The following CHMP3 variants were observed in gnomAD, a reference collection of about 807,000 sequenced individuals.
CHMP3 encodes charged multivesicular body protein 3, also known as 25.1 protein.
CHMP3 carries 8 observed loss-of-function variants against 27.4 expected under a neutral mutation model. The ratio of observed to expected loss-of-function variants is 0.29; its 90% confidence interval spans 0.17 to 0.53. CHMP3 has a LOEUF of 0.53. Among genes scored for constraint, CHMP3 ranks in the 20% least tolerant of loss-of-function variants. CHMP3 has a pLI of 0.96. For missense variants in CHMP3, 208 were observed against 271.5 expected (o/e 0.77, Z 1.64); for synonymous variants, 86 against 85.5 (o/e 1.01, Z -0.03).
chr2:86,514,882 T>C (rs1018432605), intron 3 of CHMP3, among the ~76,000 whole-genome samples: 3 of 152,140 alleles, frequency 2.0e-5, no homozygotes, highest in African/African-American at 7.2e-5. Context: ...TATTTTACTA[T>C]AAAACCTCCC....
At chr2:86,547,253 T>C (rs1676647264) in intron 1 of CHMP3, among the ~76,000 whole-genome samples, 1 of 152,204 alleles carries the variant, frequency 6.6e-6, no homozygotes, top group Non-Finnish European at 1.5e-5. Context: ...TAAATATCTG[T>C]TGAATTTGAT....
At chr2:86,520,896 A>G (rs1454145211) in intron 3 of CHMP3, among the ~76,000 whole-genome samples, 1 of 152,204 alleles carries the variant, frequency 6.6e-6, no homozygotes, top group African/African-American at 2.4e-5. Context: ...ACTTGCACGT[A>G]TACATCCAGA....
chr2:86,507,021 AT>A (rs113356343), intron 5 of CHMP3: 28,704 of 149,100 alleles, frequency 0.19, 3,448 homozygotes, highest in African/African-American at 0.33. Flanking sequence ...ATTAGGTCAA[AT>A]TTTTTTTTTT....
intron 3 of CHMP3, among the ~76,000 whole-genome samples, chr2:86,522,480 G>T (rs1471939589): frequency 6.6e-6 from 1 of 152,174 alleles, no homozygotes; most frequent in Non-Finnish European, 1.5e-5. Flanking sequence ...GCAGAAGCCA[G>T]GTGAACCAAA....
At chr2:86,541,347 CAA>C (rs977835883) in intron 2 of CHMP3, 1 of 152,064 alleles carries the variant, frequency 6.6e-6, no homozygotes, top group Non-Finnish European at 1.5e-5. Flanking sequence ...AGTATTCAGC[CAA>C]AGACTCCAAT....
At position 86,556,613 on chromosome 2, in the gene CHMP3, G is replaced by T. The variant is rs566757084; in HGVS notation, c.45+6691C>A. Among the ~76,000 whole-genome samples, 10 of 152,088 alleles carry T rather than the reference G, an allele frequency of 6.6e-5. No homozygotes were observed. In the South Asian group the frequency reaches 2.1e-3, roughly 32 times the overall value. ...TGATCTAGATAAGTTAGTTTACTTA[G>T]GCCTCGGAACCTGGCCTTTAATCAT... On this transcript the variant is annotated intron_variant, in intron 1 of 5. Transcript: ENST00000263856.
At chr2:86,536,230 C>T (rs1676136586) in intron 2 of CHMP3, among the ~76,000 whole-genome samples, 1 of 151,078 alleles carries the variant, frequency 6.6e-6, no homozygotes, top group African/African-American at 2.4e-5. Context: ...GATCTCCTGA[C>T]CTCGTGATCC....
rs1486655775 is a variant in CHMP3 at position 86,505,506 on chromosome 2, A to T, written c.*298T>A. 3.6e-6 allele frequency: 1 copy of T among 280,744 alleles called. No homozygotes were observed. The highest frequency in any genetic ancestry group is 1.6e-4 in the South Asian group (1 of 6,148). The allele number at this position is 280,744 out of a possible 1,614,324, so 17.4% of individuals were successfully genotyped here. ...TATAGTGTTTTATAGACAAAAGTAG[A>T]GTCTTCGACATTCAGGCAATCACCT... is the stretch of plus-strand genomic sequence containing the variant. On this transcript the variant is annotated 3_prime_UTR_variant, in exon 6 of 6. Transcript: ENST00000263856.
intron 1 of CHMP3, among the ~76,000 whole-genome samples, chr2:86,560,379 A>G (rs902199832): frequency 6.6e-4 from 100 of 152,246 alleles, no homozygotes; most frequent in Non-Finnish European, 1.6e-4. Context: ...CTATGAAGCC[A>G]TAAAAAAGGA....
intron 5 of CHMP3, among the ~76,000 whole-genome samples, chr2:86,506,708 A>C (rs945796603): frequency 1.3e-5 from 2 of 151,278 alleles, no homozygotes; most frequent in African/African-American, 4.9e-5. Flanking sequence ...CCTGGGCTCA[A>C]GCAATCCTCC....
chr2:86,544,704 CT>C (rs1178584539), intron 1 of CHMP3, among the ~76,000 whole-genome samples: 1 of 152,216 alleles, frequency 6.6e-6, no homozygotes, highest in African/African-American at 2.4e-5. Flanking sequence ...AAGAATTTTT[CT>C]TAGTACAGAA....
intron 3 of CHMP3, among the ~76,000 whole-genome samples, chr2:86,523,029 A>G (rs984230575): frequency 1.3e-5 from 2 of 152,112 alleles, no homozygotes; most frequent in Non-Finnish European, 1.5e-5. Context: ...CTTAACTCCC[A>G]TTGCACTTTA....
intron 4 of CHMP3, 100 bp from the exon 5 acceptor site, chr2:86,507,693 A>G (rs1418095320): frequency 1.0e-6 from 1 of 978,098 alleles, no homozygotes; most frequent in African/African-American, 1.6e-5. Flanking sequence ...AGTCCAGTCT[A>G]TCCTTTCAAG....
intron 2 of CHMP3, among the ~76,000 whole-genome samples, chr2:86,539,385 G>A (rs1676271837): frequency 6.6e-6 from 1 of 152,066 alleles, no homozygotes; most frequent in Admixed American, 6.6e-5. Flanking sequence ...ACTAAGGACA[G>A]GTGATATCAG....
chr2:86,525,159 CCT>C (rs1675652395), intron 3 of CHMP3, among the ~76,000 whole-genome samples: 1 of 152,094 alleles, frequency 6.6e-6, no homozygotes, highest in Non-Finnish European at 1.5e-5. Flanking sequence ...TAGCAGTTCC[CCT>C]GTTACCAATA....
chr2:86,541,824 A>C (rs1022583169), intron 2 of CHMP3, among the ~76,000 whole-genome samples: 1 of 152,190 alleles, frequency 6.6e-6, no homozygotes, highest in East Asian at 1.9e-4. Flanking sequence ...TGAAAGTGTT[A>C]AAAACCTTAA....
intron 3 of CHMP3, among the ~76,000 whole-genome samples, chr2:86,513,321 T>A (rs767973557): frequency 3.3e-5 from 5 of 152,192 alleles, no homozygotes; most frequent in Non-Finnish European, 7.4e-5. Flanking sequence ...ATGGAGACAG[T>A]AATAAAATCA....
At chr2:86,506,165 G>A (rs926390717) in intron 5 of CHMP3, among the ~76,000 whole-genome samples, 2 of 152,110 alleles carry the variant, frequency 1.3e-5, no homozygotes, top group Non-Finnish European at 2.9e-5. Context: ...TAAGAATCTC[G>A]GTTCTGAAGC....
chr2:86,519,517 G>A (rs1192302532), intron 3 of CHMP3, among the ~76,000 whole-genome samples: 1 of 152,172 alleles, frequency 6.6e-6, no homozygotes, highest in African/African-American at 2.4e-5. Context: ...ACTGCCTCAT[G>A]TCACTCTCAC....
Sources: gnomAD v4.1 joint callset for allele counts (sites outside exome capture counted in the v4.1 genomes callset) on GRCh38, gnomAD v4.1.1 for gene constraint, MANE v1.5 for transcripts, NCBI Gene and HGNC (gene_info 2026-07-23, HGNC 2026-07-21) for gene names.